Variants in TACR3 observed in about 807,000 individuals in gnomAD.
The protein encoded by TACR3 is tachykinin receptor 3.
A neutral mutation model predicts 35.0 loss-of-function variants in TACR3; 34 were observed. That is an observed-to-expected ratio of 0.97 (90% CI 0.74 to 1.30). TACR3 has a LOEUF of 1.30. Among genes scored for constraint, TACR3 ranks in the 50% most tolerant of loss-of-function variants. The pLI is 0.00. For synonymous variants in TACR3, 233 were observed against 221.1 expected, an observed-to-expected ratio of 1.05 and a Z score of -0.48; for missense variants, 558 against 591.7, an observed-to-expected ratio of 0.94 and a Z score of 0.59.
At chr4:103,683,470 C>CAAAAAAAAAAAAAAAAAAAAA (rs57761679) in intron 1 of TACR3, among the ~76,000 whole-genome samples, 2 of 21,142 alleles carry the variant, frequency 9.5e-5, no homozygotes, top group East Asian at 1.8e-3. Context: ...AAAGACTGAC[C>CAAAAAAAAAAAAAAAAAAAAA]AAAAAAAAAA....
chr4:103,609,101 A>G (rs1279416660), intron 3 of TACR3, among the ~76,000 whole-genome samples: 1 of 152,126 alleles, frequency 6.6e-6, no homozygotes, highest in Non-Finnish European at 1.5e-5. Context: ...GGCCAAAAAT[A>G]TGAAGTGTGT....
intron 1 of TACR3, among the ~76,000 whole-genome samples, chr4:103,711,629 G>T (rs1390155642): frequency 6.6e-6 from 1 of 152,096 alleles, no homozygotes; most frequent in Admixed American, 6.5e-5. Flanking sequence ...ACATAATGTT[G>T]GAAGTTCTGG....
intron 3 of TACR3, among the ~76,000 whole-genome samples, chr4:103,593,982 C>T (rs759889330): frequency 3.3e-5 from 5 of 152,002 alleles, no homozygotes; most frequent in East Asian, 1.9e-4. Flanking sequence ...TTTAAATGAA[C>T]AGGTGAAAGT....
At chr4:103,690,465 C>G (rs1165854234) in intron 1 of TACR3, among the ~76,000 whole-genome samples, 1 of 152,006 alleles carries the variant, frequency 6.6e-6, no homozygotes, top group Non-Finnish European at 1.5e-5. Flanking sequence ...ATGCATCTAA[C>G]AAGAGACCTT....
chr4:103,643,459 C>T (rs1200502914), intron 3 of TACR3, among the ~76,000 whole-genome samples: 1 of 150,700 alleles, frequency 6.6e-6, no homozygotes, highest in Non-Finnish European at 1.5e-5. Context: ...GAGAGAGATA[C>T]AGATTGCCTA....
At chr4:103,628,332 C>A (rs1288936721) in intron 3 of TACR3, among the ~76,000 whole-genome samples, 5 of 152,038 alleles carry the variant, frequency 3.3e-5, no homozygotes, top group African/African-American at 1.2e-4. Flanking sequence ...ACAAAAAACC[C>A]TTCAAAAAAT....
chr4:103,597,613 C>A (rs985343537), intron 3 of TACR3, among the ~76,000 whole-genome samples: 1 of 151,368 alleles, frequency 6.6e-6, no homozygotes, highest in African/African-American at 2.4e-5. Flanking sequence ...CGTCCCCCCA[C>A]CCCACAAGAG....
At position 103,703,938 on chromosome 4, in the gene TACR3, C is replaced by G. The variant is rs533971115; in HGVS notation, c.548+15190G>C. Among the ~76,000 whole-genome samples, 7 of 151,150 alleles carry G rather than the reference C, an allele frequency of 4.6e-5. No homozygotes were observed. The East Asian group carries it at 1.4e-3, about 30-fold the overall frequency. ...ACACAGTGAAACCCCATCTCTACTA[C>G]AAAATACAAAAAAAATTTAGCAGGG... is the stretch of plus-strand genomic sequence containing the variant. On this transcript the variant is annotated intron_variant, in intron 1 of 4. Coordinates refer to ENST00000304883, the MANE Select transcript of TACR3 (RefSeq NM_001059.3).
At chr4:103,598,924 C>G (rs563732314) in intron 3 of TACR3, among the ~76,000 whole-genome samples, 1 of 152,086 alleles carries the variant, frequency 6.6e-6, no homozygotes, top group Non-Finnish European at 1.5e-5. Flanking sequence ...TTAGGACTGA[C>G]TTGGTGATGC....
chr4:103,669,717 A>T (rs979159598), intron 1 of TACR3, among the ~76,000 whole-genome samples: 3 of 151,820 alleles, frequency 2.0e-5, no homozygotes, highest in African/African-American at 7.3e-5. Context: ...GAGGTATTTG[A>T]GTTTCTTATA....
At chr4:103,706,689 A>C (rs1306177857) in intron 1 of TACR3, among the ~76,000 whole-genome samples, 1 of 152,164 alleles carries the variant, frequency 6.6e-6, no homozygotes, top group Non-Finnish European at 1.5e-5. Flanking sequence ...GTAGGATAAC[A>C]ATGGGTAAAA....
At chr4:103,636,870 C>T (rs1030754430) in intron 3 of TACR3, among the ~76,000 whole-genome samples, 3 of 152,090 alleles carry the variant, frequency 2.0e-5, no homozygotes, top group African/African-American at 7.2e-5. Context: ...CACATACATC[C>T]TCCCAATACT....
intron 1 of TACR3, among the ~76,000 whole-genome samples, chr4:103,669,674 A>G (rs1427209681): frequency 1.3e-5 from 2 of 152,004 alleles, no homozygotes; most frequent in African/African-American, 4.8e-5. Context: ...GGTCTTTTGC[A>G]CATTTAAAAA....
chr4:103,707,425 T>A (rs536648313), intron 1 of TACR3, among the ~76,000 whole-genome samples: 1 of 152,312 alleles, frequency 6.6e-6, no homozygotes, highest in East Asian at 1.9e-4. Flanking sequence ...ATTGACGTAT[T>A]TTTTTCTCCA....
chr4:103,659,134 AAAC>A (rs1347959580), intron 1 of TACR3, among the ~76,000 whole-genome samples: 1 of 152,156 alleles, frequency 6.6e-6, no homozygotes, highest in Non-Finnish European at 1.5e-5. Flanking sequence ...ATGGCAGTAA[AAAC>A]AGATGAAGCT....
At chr4:103,714,576 A>G (rs1161737739) in intron 1 of TACR3, among the ~76,000 whole-genome samples, 1 of 152,152 alleles carries the variant, frequency 6.6e-6, no homozygotes, top group Non-Finnish European at 1.5e-5. Flanking sequence ...TAATTCAAAA[A>G]TATGTAACAG....
intron 3 of TACR3, among the ~76,000 whole-genome samples, chr4:103,643,702 T>C (rs937749526): frequency 1.3e-5 from 2 of 151,844 alleles, no homozygotes; most frequent in Admixed American, 6.6e-5. Flanking sequence ...ATAATGATTG[T>C]ATAAAATCTA....
intron 3 of TACR3, among the ~76,000 whole-genome samples, chr4:103,629,868 A>ACC (rs1400607953): frequency 3.6e-5 from 4 of 109,710 alleles, no homozygotes; most frequent in Non-Finnish European, 6.2e-5. Context: ...AAACAAAAAA[A>ACC]AAACAAAAAA....
rs1393107270 is a variant in TACR3, at chr4:103,719,085, C to A, written c.548+43G>T. 2.5e-6 allele frequency: 4 copies of A among 1,612,588 alleles called. No homozygotes were observed. In the South Asian group the frequency reaches 3.3e-5, roughly 13 times the overall value. ...TCTTATCCCACCGCCCAGTTCTTTT[C>A]TTTCCCTTCTCCCTCTTTCCTCTCT... On this transcript the variant is annotated intron_variant, in intron 1 of 4. Coordinates refer to ENST00000304883, the MANE Select transcript of TACR3 (RefSeq NM_001059.3).
Sources: gnomAD v4.1 joint callset for allele counts (sites outside exome capture counted in the v4.1 genomes callset) on GRCh38, gnomAD v4.1.1 for gene constraint, MANE v1.5 for transcripts, NCBI Gene and HGNC (gene_info 2026-07-23, HGNC 2026-07-21) for gene names.